The following ASTN2 variants were observed in gnomAD, a reference collection of about 807,000 sequenced individuals.
The protein encoded by ASTN2 is astrotactin 2, also known as astrotactin-2.
In ASTN2, 54 loss-of-function variants were observed where a neutral mutation model predicts 139.8. The ratio of observed to expected loss-of-function variants is 0.39; its 90% confidence interval spans 0.31 to 0.48. The LOEUF is 0.48. Among genes scored for constraint, ASTN2 ranks in the 20% least tolerant of loss-of-function variants. ASTN2 has a pLI of 0.95. For synonymous variants in ASTN2, 756 were observed against 719.5 expected (o/e 1.05, Z -0.81); for missense variants, 1,565 against 1,725.1 (o/e 0.91, Z 1.64).
At chr9:116,838,127 T>TTA (rs1832071543) in intron 11 of ASTN2, among the ~76,000 whole-genome samples, 1 of 149,580 alleles carries the variant, frequency 6.7e-6, no homozygotes, top group Non-Finnish European at 1.5e-5. Context: ...TTTTGTTTTT[T>TTA]GAGACAGAGT....
chr9:117,214,416 G>A lies in ASTN2; in HGVS notation c.957C>T (p.Thr319=). The A allele has an allele frequency of 6.2e-7, 1 of 1,613,936 alleles. No homozygotes were observed. The highest frequency in any genetic ancestry group is 8.5e-7 in the Non-Finnish European group (1 of 1,179,838). The change falls in exon 3 of 23, where the codon ACC becomes ACT. Residue 319 remains threonine, a synonymous_variant. Coordinates refer to ENST00000313400, the MANE Select transcript of ASTN2 (RefSeq NM_001365068.1). ...SREDEFGSQV[T]HTLDSLGHPG... ...GATGTCCCAGACTGTCCAGAGTGTG[G>A]GTCACCTGGCTGCCAAACTCGTCCT...
chr9:116,851,430 A>T (rs1306798839), intron 11 of ASTN2, among the ~76,000 whole-genome samples: 1 of 151,974 alleles, frequency 6.6e-6, no homozygotes, highest in Non-Finnish European at 1.5e-5. Context: ...AATGTTTTAC[A>T]TATTTTTCTA....
intron 10 of ASTN2, among the ~76,000 whole-genome samples, chr9:116,948,353 T>C (rs1191429146): frequency 6.6e-6 from 1 of 152,210 alleles, no homozygotes; most frequent in Non-Finnish European, 1.5e-5. Context: ...CTGACTGGGT[T>C]ATACTATATT....
At chr9:117,354,788 T>C (rs1315936511) in intron 1 of ASTN2, among the ~76,000 whole-genome samples, 2 of 152,128 alleles carry the variant, frequency 1.3e-5, no homozygotes, top group Non-Finnish European at 2.9e-5. Flanking sequence ...TTCCCCGTAC[T>C]AGAACCTACT....
intron 19 of ASTN2, among the ~76,000 whole-genome samples, chr9:116,518,939 C>T (rs1415801397): frequency 6.6e-6 from 1 of 151,906 alleles, no homozygotes; most frequent in Non-Finnish European, 1.5e-5. Context: ...AAGAACTGGA[C>T]CAACAGGAAA....
chr9:116,480,207 G>C (rs1849123748), intron 20 of ASTN2, among the ~76,000 whole-genome samples: 1 of 151,786 alleles, frequency 6.6e-6, no homozygotes. Flanking sequence ...AGGGAGAGAG[G>C]GAAGTGGAAA....
At chr9:116,565,388 CATATATAT>C (rs1164878126) in intron 19 of ASTN2, among the ~76,000 whole-genome samples, 23 of 34,016 alleles carry the variant, frequency 6.8e-4, no homozygotes, top group African/African-American at 2.9e-3. Flanking sequence ...TCTCTCTCTC[CATATATAT>C]ATATATATAT....
intron 10 of ASTN2, among the ~76,000 whole-genome samples, chr9:116,948,228 T>C (rs1410343316): frequency 6.6e-6 from 1 of 152,228 alleles, no homozygotes; most frequent in Non-Finnish European, 1.5e-5. Context: ...TTTGTAATTG[T>C]GAAGTCCTTT....
intron 22 of ASTN2, among the ~76,000 whole-genome samples, chr9:116,436,135 C>G (rs1847642936): frequency 6.6e-6 from 1 of 152,148 alleles, no homozygotes; most frequent in Admixed American, 6.5e-5. Context: ...ACATAGTTAG[C>G]ACATTAAATG....
At chr9:116,992,677 C>G (rs1399639431) in intron 7 of ASTN2, among the ~76,000 whole-genome samples, 1 of 152,112 alleles carries the variant, frequency 6.6e-6, no homozygotes, top group African/African-American at 2.4e-5. Flanking sequence ...TAGGTCCTAT[C>G]TTTAGAGATG....
chr9:117,100,468 A>C (rs1828949811), intron 4 of ASTN2, among the ~76,000 whole-genome samples: 1 of 152,252 alleles, frequency 6.6e-6, no homozygotes, highest in South Asian at 2.1e-4. Flanking sequence ...TCAGTATATT[A>C]AAATATTATC....
At chr9:116,567,074 T>C (rs546546240) in intron 19 of ASTN2, among the ~76,000 whole-genome samples, 3 of 152,336 alleles carry the variant, frequency 2.0e-5, no homozygotes, top group East Asian at 1.9e-4. Context: ...AGAGAGGTCA[T>C]GTGACTTGTG....
At chr9:116,465,854 T>C (rs1848633318) in intron 20 of ASTN2, among the ~76,000 whole-genome samples, 2 of 152,216 alleles carry the variant, frequency 1.3e-5, no homozygotes, top group Non-Finnish European at 2.9e-5. Flanking sequence ...TCTTCAAGTG[T>C]GTCTTTAATT....
intron 6 of ASTN2, among the ~76,000 whole-genome samples, chr9:117,025,782 T>C (rs1249976650): frequency 6.7e-6 from 1 of 148,844 alleles, no homozygotes; most frequent in African/African-American, 2.6e-5. Flanking sequence ...GTGGTTTTTC[T>C]TTTTTCTTTT....
chr9:117,123,663 T>G (rs1564437450), intron 4 of ASTN2, among the ~76,000 whole-genome samples: 1 of 152,230 alleles, frequency 6.6e-6, no homozygotes, highest in East Asian at 1.9e-4. Flanking sequence ...TATTCTTTAA[T>G]TTAAATATTC....
At chr9:117,242,363 C>G (rs1833241452) in intron 2 of ASTN2, among the ~76,000 whole-genome samples, 1 of 152,032 alleles carries the variant, frequency 6.6e-6, no homozygotes, top group Non-Finnish European at 1.5e-5. Flanking sequence ...TGAGTTTCTC[C>G]CTGTACCAAA....
chr9:116,425,316 A>G lies in ASTN2; in HGVS notation c.*535T>C, dbSNP rs1314291196. 1.8e-5 allele frequency: 9 copies of G among 495,530 alleles called. No individual in the cohort carries two copies. The Admixed American group carries it at 2.8e-4, about 15-fold the overall frequency. The allele number at this position is 495,530 out of a possible 1,614,324, so 30.7% of individuals were successfully genotyped here. ...TAGCAGGAAGAGGCAGGGTCCCACA[A>G]ACTCAATAATGTCCAGCAAAAAAGA... On this transcript the variant is annotated 3_prime_UTR_variant, in exon 23 of 23. Coordinates refer to ENST00000313400, the MANE Select transcript of ASTN2 (RefSeq NM_001365068.1).
intron 7 of ASTN2, among the ~76,000 whole-genome samples, chr9:116,998,509 T>C (rs1191075537): frequency 6.7e-6 from 1 of 148,902 alleles, no homozygotes; most frequent in Non-Finnish European, 1.5e-5. Flanking sequence ...ACCTTACTCA[T>C]TGAACAAGCC....
chr9:116,917,809 C>A (rs1188816890), intron 10 of ASTN2, among the ~76,000 whole-genome samples: 1 of 152,116 alleles, frequency 6.6e-6, no homozygotes, highest in Non-Finnish European at 1.5e-5. Context: ...CTGTGTTAGG[C>A]CCTGGGACTC....
Sources: allele counts gnomAD v4.1 joint callset (sites outside exome capture counted in the v4.1 genomes callset), GRCh38; gene constraint gnomAD v4.1.1; transcripts MANE v1.5; gene names NCBI Gene and HGNC (gene_info 2026-07-23, HGNC 2026-07-21).